The following MEMO1 variants were observed in gnomAD, a reference collection of about 807,000 sequenced individuals.
MEMO1 encodes the protein mediator of cell motility 1, also known as protein MEMO1.
MEMO1 carries 6 observed loss-of-function variants against 45.2 expected under a neutral mutation model. The observed-to-expected ratio is 0.13, with a 90% CI of 0.07 to 0.26. The LOEUF is 0.26. MEMO1 is among the 10% of genes least tolerant of loss of function. MEMO1 has a pLI of 1.00. For synonymous variants in MEMO1, 78 were observed against 124.3 expected (o/e 0.63, Z 2.48); for missense variants, 184 against 370.5 (o/e 0.50, Z 4.13).
intron 4 of MEMO1, among the ~76,000 whole-genome samples, chr2:31,921,896 G>A (rs1442377119): frequency 6.6e-6 from 1 of 152,176 alleles, no homozygotes; most frequent in South Asian, 2.1e-4. Flanking sequence ...CTGAGCTAAA[G>A]TGTAGCTTAA....
At chr2:32,002,619 C>G (rs372468044) in intron 2 of MEMO1, among the ~76,000 whole-genome samples, 15 of 152,136 alleles carry the variant, frequency 9.9e-5, no homozygotes, top group African/African-American at 3.4e-4. Flanking sequence ...ACAAGTTACT[C>G]AACTTAGGTC....
At chr2:31,978,656 G>A (rs1045641723) in intron 2 of MEMO1, among the ~76,000 whole-genome samples, 2 of 152,168 alleles carry the variant, frequency 1.3e-5, no homozygotes, top group African/African-American at 4.8e-5. Flanking sequence ...CCGGCCTCAA[G>A]TGATCCTCTC....
chr2:31,997,558 T>C (rs758080887), intron 2 of MEMO1, among the ~76,000 whole-genome samples: 4 of 152,164 alleles, frequency 2.6e-5, no homozygotes, highest in African/African-American at 4.8e-5. Context: ...TCAATACAAA[T>C]TTCCTTTCCT....
chr2:31,940,843 C>G (rs1665526576), intron 3 of MEMO1, among the ~76,000 whole-genome samples: 1 of 152,120 alleles, frequency 6.6e-6, no homozygotes. Context: ...AAGTGTCATT[C>G]TTGACTCTTC....
intron 2 of MEMO1, among the ~76,000 whole-genome samples, chr2:31,984,833 G>GAAAGGAC (rs1364273311): frequency 6.6e-6 from 1 of 152,084 alleles, no homozygotes; most frequent in African/African-American, 2.4e-5. Context: ...AAAAAGGAAA[G>GAAAGGAC]AAAGGACATT....
intron 8 of MEMO1, among the ~76,000 whole-genome samples, chr2:31,875,027 A>G (rs1674361412): frequency 6.6e-6 from 1 of 152,004 alleles, no homozygotes; most frequent in African/African-American, 2.4e-5. Context: ...GAATTGACTT[A>G]TAAGTTGAAT....
At chr2:31,883,319 T>C in intron 8 of MEMO1, 67 bp downstream of exon 8, 6 of 1,089,612 alleles carry the variant, frequency 5.5e-6, no homozygotes, top group Non-Finnish European at 8.0e-6. Context: ...TGTTAAGTCT[T>C]GAATTACTAA....
intron 3 of MEMO1, among the ~76,000 whole-genome samples, chr2:31,937,425 A>G (rs1665045421): frequency 6.6e-6 from 1 of 152,196 alleles, no homozygotes; most frequent in Non-Finnish European, 1.5e-5. Flanking sequence ...GGCTTAGTAC[A>G]AACAATAATT....
chr2:31,965,279 G>A (rs551398561), intron 2 of MEMO1, among the ~76,000 whole-genome samples: 6 of 118,928 alleles, frequency 5.0e-5, no homozygotes, highest in South Asian at 3.1e-4. Context: ...GAAGGGAAGA[G>A]AAGGGAAGGG....
chr2:31,870,498 G>A (rs1673542231), intron 8 of MEMO1, among the ~76,000 whole-genome samples: 1 of 151,948 alleles, frequency 6.6e-6, no homozygotes, highest in Non-Finnish European at 1.5e-5. Context: ...TAGGTTTGTG[G>A]AAAAAAATGA....
Position 32,009,566 on chromosome 2 carries a change from T to C in MEMO1, c.61+621A>G, listed in dbSNP as rs556483016. Among the ~76,000 whole-genome samples, 135 of 152,316 alleles carry C rather than the reference T, an allele frequency of 8.9e-4. 2 individuals carry two copies. Among genetic ancestry groups the C allele is most frequent in the Non-Finnish European group, 1.4e-3 (92 of 68,030 alleles). On this transcript the variant is annotated intron_variant, in intron 2 of 9. Coordinates refer to ENST00000404530, the MANE Select transcript of MEMO1 (RefSeq NM_001301833.4). The stretch of plus-strand genomic sequence containing the variant: ...AAAGGTGCGGGGAAACGCTGCCTCC[T>C]TCTCCAGCACCAGAGGCACGGGGCG...
chr2:31,965,735 C>T (rs569803078), intron 2 of MEMO1, among the ~76,000 whole-genome samples: 2 of 152,150 alleles, frequency 1.3e-5, no homozygotes, highest in Non-Finnish European at 2.9e-5. Flanking sequence ...AAACCAAACA[C>T]TGCATGTTCT....
intron 2 of MEMO1, among the ~76,000 whole-genome samples, chr2:31,953,366 CAAA>C (rs1227298943): frequency 7.4e-4 from 54 of 72,512 alleles, no homozygotes; most frequent in African/African-American, 2.5e-3. Context: ...AACTCCGTCT[CAAA>C]AAAAAAAAAA....
intron 4 of MEMO1, among the ~76,000 whole-genome samples, chr2:31,925,499 A>AAAAAAAAAAAAAC (rs1558507966): frequency 4.7e-5 from 7 of 149,486 alleles, no homozygotes; most frequent in South Asian, 2.1e-4. Context: ...AAAAAAAAAA[A>AAAAAAAAAAAAAC]TCTGTTCCCG....
chr2:31,963,336 G>T (rs1419389290), intron 2 of MEMO1: 2 of 1,342,082 alleles, frequency 1.5e-6, no homozygotes, highest in Non-Finnish European at 1.9e-6. Context: ...AGTTATAAAG[G>T]TGTAGACACA....
chr2:31,955,284 C>T (rs1045374751), intron 2 of MEMO1, among the ~76,000 whole-genome samples: 1 of 152,118 alleles, frequency 6.6e-6, no homozygotes, highest in Non-Finnish European at 1.5e-5. Context: ...GTGAATGCAG[C>T]TAACAGACTC....
chr2:31,901,066 A>C (rs1389760092), intron 6 of MEMO1, among the ~76,000 whole-genome samples: 8 of 152,168 alleles, frequency 5.3e-5, no homozygotes, highest in African/African-American at 1.9e-4. Context: ...TAATGGAATA[A>C]TTATTTGGCA....
intron 4 of MEMO1, among the ~76,000 whole-genome samples, chr2:31,931,741 T>G (rs1664198445): frequency 6.6e-6 from 1 of 152,160 alleles, no homozygotes; most frequent in African/African-American, 2.4e-5. Context: ...ACGAAATGAT[T>G]AAAACAGATC....
chr2:31,891,882 A>C, intron 7 of MEMO1, 110 bp downstream of exon 7: 1 of 1,179,754 alleles, frequency 8.5e-7, no homozygotes, highest in Non-Finnish European at 1.2e-6. Context: ...CAGAAGTAAA[A>C]CTTTCCAAGG....
Sources: allele counts gnomAD v4.1 joint callset (sites outside exome capture counted in the v4.1 genomes callset), GRCh38; gene constraint gnomAD v4.1.1; transcripts MANE v1.5; gene names NCBI Gene and HGNC (gene_info 2026-07-23, HGNC 2026-07-21).